Variants in ZMYM2 observed in about 807,000 individuals in gnomAD.
ZMYM2 encodes the protein zinc finger MYM-type protein 2.
Under a neutral mutation model 162.8 loss-of-function variants are expected in ZMYM2, and 56 were observed. That is an observed-to-expected ratio of 0.34 (90% confidence interval 0.28 to 0.43). The LOEUF (loss-of-function observed/expected upper bound fraction) is 0.43, where lower values mean the gene tolerates loss of function less well. Ranked by LOEUF, ZMYM2 falls within the 20% of genes least tolerant of loss-of-function variation. The pLI, the probability that ZMYM2 is intolerant of heterozygous loss-of-function variation, is 1.00. For synonymous variants in ZMYM2, 510 were observed against 541.6 expected (o/e 0.94, Z 0.81); for missense variants, 1,275 against 1,621.8 (o/e 0.79, Z 3.67).
the ZMYM2 span, among the ~76,000 whole-genome samples, chr13:19,873,565 C>T: frequency 2.6e-5 from 4 of 152,028 alleles, no homozygotes; most frequent in Admixed American, 6.6e-5. Context: ...TGTGTCACCA[C>T]GCCCAGCTAA....
At chr13:20,066,213 A>G (rs922385073) in intron 19 of ZMYM2, among the ~76,000 whole-genome samples, 1 of 152,224 alleles carries the variant, frequency 6.6e-6, no homozygotes. Context: ...TTTATGACAG[A>G]TTAAACAGAT....
In ZMYM2 at chr13:20,031,342, A is replaced by C. The variant is rs1374776567; in HGVS notation, c.1875A>C (p.Pro625=). The C allele has an allele frequency of 6.2e-7, 1 of 1,609,040 alleles. No individual in the cohort carries two copies. Among genetic ancestry groups the C allele is most frequent in the Non-Finnish European group, 8.5e-7 (1 of 1,178,740 alleles). ...AGGCTCTAAGTATGCAGTCATCTCC[A>C]AATGGCCAGTTTGTAGCGCCAAGTG... ...KFQALSMQSS[P]NGQFVAPSDI... The change falls in exon 10 of 25, where the codon CCA becomes CCC. Residue 625 remains proline, a synonymous_variant. Coordinates refer to ENST00000610343, the MANE Select transcript of ZMYM2 (RefSeq NM_197968.4).
At position 20,034,379 on chromosome 13, in the gene ZMYM2, C is replaced by T. The variant is rs753893108; in HGVS notation, c.2094C>T (p.Gly698=). 6.2e-6 allele frequency: 10 copies of T among 1,600,336 alleles called. No homozygotes were observed. Among genetic ancestry groups the T allele is most frequent in the South Asian group, 4.6e-5 (4 of 87,778 alleles). Reference sequence around the variant, plus strand: ...TTCATGAAACAGTAAATTTCTCTGGCGTTAAGAGACCTTTCTGTAGTGAAG... The same window carrying T: ...TTCATGAAACAGTAAATTTCTCTGGTGTTAAGAGACCTTTCTGTAGTGAAG... ...KTLHETVNFS[G]VKRPFCSEGC... The change falls in exon 11 of 25, where the codon GGC becomes GGT. Residue 698 remains glycine, a synonymous_variant. Coordinates refer to ENST00000610343, the MANE Select transcript of ZMYM2 (RefSeq NM_197968.4).
chr13:20,030,841 G>A (rs1953064728), intron 9 of ZMYM2, among the ~76,000 whole-genome samples: 1 of 152,164 alleles, frequency 6.6e-6, no homozygotes, highest in Non-Finnish European at 1.5e-5. Context: ...GCCAACATAG[G>A]CCTATTTCAC....
At chr13:20,032,213 C>T (rs951684110) in intron 10 of ZMYM2, among the ~76,000 whole-genome samples, 1 of 152,138 alleles carries the variant, frequency 6.6e-6, no homozygotes, top group Non-Finnish European at 1.5e-5. Flanking sequence ...ATGAATCCCA[C>T]TACAAGTTTA....
At chr13:19,895,130 T>G in the ZMYM2 span, among the ~76,000 whole-genome samples, 1 of 148,920 alleles carries the variant, frequency 6.7e-6, no homozygotes, top group Non-Finnish European at 1.5e-5. Flanking sequence ...TAGGGGACTG[T>G]CTGTATATAT....
chr13:20,040,086 A>G (rs1202730357), intron 12 of ZMYM2, among the ~76,000 whole-genome samples: 4 of 152,156 alleles, frequency 2.6e-5, no homozygotes, highest in Non-Finnish European at 5.9e-5. Context: ...TGGTATCAGG[A>G]TGATGCTGGC....
chr13:19,953,958 C>T (rs1954470667), upstream of ZMYM2, among the ~76,000 whole-genome samples: 1 of 151,324 alleles, frequency 6.6e-6, no homozygotes, highest in African/African-American at 2.4e-5. Flanking sequence ...GCATCTAAGA[C>T]AGTGAAAGAT....
chr13:20,019,469 A>T, intron 6 of ZMYM2, 78 bp from the exon 7 acceptor site: 1 of 1,273,346 alleles, frequency 7.9e-7, no homozygotes, highest in Non-Finnish European at 1.1e-6. Flanking sequence ...AGCAACTTTT[A>T]CATAATGCTT....
At chr13:20,003,533 T>G (rs1566269871) in intron 4 of ZMYM2, among the ~76,000 whole-genome samples, 1 of 152,240 alleles carries the variant, frequency 6.6e-6, no homozygotes, top group Non-Finnish European at 1.5e-5. Flanking sequence ...TTTTGAACAT[T>G]AAGTCATTAG....
intron 14 of ZMYM2, among the ~76,000 whole-genome samples, chr13:20,052,980 A>AT (rs1383833735): frequency 1.3e-5 from 2 of 151,952 alleles, no homozygotes; most frequent in East Asian, 1.9e-4. Context: ...TGTGTCCTGG[A>AT]TTTTTTTTCC....
the ZMYM2 span, among the ~76,000 whole-genome samples, chr13:19,869,085 C>T: frequency 6.6e-6 from 1 of 152,180 alleles, no homozygotes; most frequent in African/African-American, 2.4e-5. Flanking sequence ...ACACAGATGC[C>T]ACTATCACAG....
At chr13:19,879,097 T>C in the ZMYM2 span, among the ~76,000 whole-genome samples, 1 of 152,224 alleles carries the variant, frequency 6.6e-6, no homozygotes, top group East Asian at 1.9e-4. Flanking sequence ...TCTTTTGTTT[T>C]CTTCTAAGAG....
chr13:19,966,829 T>G, intron 2 of ZMYM2, among the ~76,000 whole-genome samples: 1 of 152,212 alleles, frequency 6.6e-6, no homozygotes, highest in Non-Finnish European at 1.5e-5. Context: ...AGTTTTAGCT[T>G]TATAACTTTA....
At chr13:20,002,679 C>T (rs987202037) in intron 3 of ZMYM2, among the ~76,000 whole-genome samples, 171 bp from the exon 4 acceptor site, 2 of 152,038 alleles carry the variant, frequency 1.3e-5, no homozygotes, top group Non-Finnish European at 2.9e-5. Flanking sequence ...GCATTGTTAC[C>T]GTGACATTCT....
chr13:19,883,177 G>T, the ZMYM2 span, among the ~76,000 whole-genome samples: 3 of 152,300 alleles, frequency 2.0e-5, no homozygotes, highest in Non-Finnish European at 4.4e-5. Context: ...TTCATTTATA[G>T]AAAGTATCTC....
At chr13:19,898,525 A>G in the ZMYM2 span, among the ~76,000 whole-genome samples, 1 of 151,960 alleles carries the variant, frequency 6.6e-6, no homozygotes, top group African/African-American at 2.4e-5. Flanking sequence ...GAGCCACCGC[A>G]CCCAGCCAAG....
intron 12 of ZMYM2, among the ~76,000 whole-genome samples, chr13:20,050,270 A>T (rs544325165): frequency 6.6e-6 from 1 of 152,082 alleles, no homozygotes; most frequent in South Asian, 2.1e-4. Flanking sequence ...TATGTTTGTT[A>T]TGTAAGACCT....
At chr13:20,083,084 CAG>C (rs1292103531) in intron 23 of ZMYM2, 52 bp downstream of exon 23, 59 of 1,473,142 alleles carry the variant, frequency 4.0e-5, no homozygotes, top group Non-Finnish European at 5.1e-5. Flanking sequence ...TTTTTTGAGA[CAG>C]AGTTTCACTC....
Sources: allele counts gnomAD v4.1 joint callset (sites outside exome capture counted in the v4.1 genomes callset), GRCh38; gene constraint gnomAD v4.1.1; transcripts MANE v1.5; gene names NCBI Gene and HGNC (gene_info 2026-07-23, HGNC 2026-07-21).